SCCPDH: variants seen among roughly 807,000 people sequenced by gnomAD.
The protein encoded by SCCPDH is saccharopine dehydrogenase-like oxidoreductase.
Under a neutral mutation model 51.5 loss-of-function variants are expected in SCCPDH, and 34 were observed. The ratio of observed to expected loss-of-function variants is 0.66; its 90% CI spans 0.50 to 0.88. The LOEUF (loss-of-function observed/expected upper bound fraction) is 0.88, where lower values mean the gene tolerates loss of function less well. Among genes scored for constraint, SCCPDH ranks in the 40% least tolerant of loss-of-function variants. SCCPDH has a pLI of 0.00. For synonymous variants in SCCPDH, 187 were observed against 191.3 expected, an observed-to-expected ratio of 0.98 and a Z score of 0.19; for missense variants, 464 against 527.1, an observed-to-expected ratio of 0.88 and a Z score of 1.17.
At position 246,763,655 on chromosome 1, in the gene SCCPDH, C is replaced by G. The variant is rs148706616; in HGVS notation, c.991-591C>G. Among the ~76,000 whole-genome samples the G allele has an allele frequency of 6.0e-3, 916 of 152,256 alleles. 11 individuals carry two copies. Among genetic ancestry groups the G allele is most frequent in the African/African-American group, 0.021 (852 of 41,536 alleles). ...TTAATCTGTTTATCTCTCTCTCCCC[C>G]CCTTTCCTCCTACTAAACTGTAAGC... On this transcript the variant is annotated intron_variant, in intron 9 of 11. Transcript: ENST00000366510.
chr1:246,755,265 T>G (rs1180577246), intron 5 of SCCPDH, among the ~76,000 whole-genome samples: 1 of 152,210 alleles, frequency 6.6e-6, no homozygotes, highest in African/African-American at 2.4e-5. Flanking sequence ...CAAACAGGTT[T>G]TTTTGTTTGT....
chr1:246,758,768 G>A (rs1668968406), intron 6 of SCCPDH, among the ~76,000 whole-genome samples: 1 of 151,774 alleles, frequency 6.6e-6, no homozygotes. Flanking sequence ...CAGGACATAT[G>A]TGAGAAGTTT....
chr1:246,748,877 C>G (rs1031999427), intron 5 of SCCPDH, among the ~76,000 whole-genome samples: 2 of 152,176 alleles, frequency 1.3e-5, no homozygotes, highest in African/African-American at 4.8e-5. Context: ...CAGCAATAGT[C>G]CCCCGCAATA....
intron 9 of SCCPDH, among the ~76,000 whole-genome samples, 195 bp downstream of exon 9, chr1:246,760,422 G>A (rs1258723633): frequency 6.6e-6 from 1 of 152,094 alleles, no homozygotes; most frequent in Non-Finnish European, 1.5e-5. Flanking sequence ...AGAGAACTGA[G>A]GCACACAGAG....
intron 2 of SCCPDH, among the ~76,000 whole-genome samples, chr1:246,727,487 A>G (rs558680595): frequency 1.4e-4 from 21 of 152,342 alleles, no homozygotes; most frequent in African/African-American, 5.0e-4. Flanking sequence ...TGGTGAACAA[A>G]ACAGAAAATC....
chr1:246,734,983 T>C (rs1668545749), intron 2 of SCCPDH, among the ~76,000 whole-genome samples: 1 of 152,252 alleles, frequency 6.6e-6, no homozygotes, highest in South Asian at 2.1e-4. Flanking sequence ...ACTCTCTTCT[T>C]CCTGTTGGTT....
intron 6 of SCCPDH, among the ~76,000 whole-genome samples, chr1:246,758,822 G>GT (rs940335901): frequency 5.3e-5 from 8 of 150,650 alleles, no homozygotes; most frequent in Admixed American, 6.6e-5. Flanking sequence ...GAGCGTTCTG[G>GT]TTTTTTTTTT....
intron 10 of SCCPDH, 43 bp downstream of exon 10, chr1:246,764,400 C>T (rs780841213): frequency 9.9e-6 from 11 of 1,116,264 alleles, no homozygotes; most frequent in Non-Finnish European, 1.5e-5. Context: ...ATTTTATACT[C>T]TTAAGCTATA....
At chr1:246,728,088 C>T (rs575352987) in intron 2 of SCCPDH, among the ~76,000 whole-genome samples, 52 of 152,192 alleles carry the variant, frequency 3.4e-4, no homozygotes, top group African/African-American at 9.9e-4. Context: ...CAAAGGAGAA[C>T]GGCTTTTGCT....
intron 10 of SCCPDH, among the ~76,000 whole-genome samples, chr1:246,765,431 C>T (rs1044009399): frequency 1.8e-4 from 27 of 152,332 alleles, no homozygotes; most frequent in African/African-American, 6.0e-4. Flanking sequence ...ATGTTTCCAT[C>T]TTGCCCTTTT....
chr1:246,750,972 C>T (rs528496674), intron 5 of SCCPDH, among the ~76,000 whole-genome samples: 2 of 152,326 alleles, frequency 1.3e-5, no homozygotes, highest in East Asian at 1.9e-4. Flanking sequence ...CTGAGGACTG[C>T]GTCACACATG....
chr1:246,762,482 A>G (rs375151038), intron 9 of SCCPDH, among the ~76,000 whole-genome samples: 89 of 152,274 alleles, frequency 5.8e-4, no homozygotes, highest in African/African-American at 2.1e-3. Context: ...TGACCTTGTC[A>G]TTGCCTTCTT....
chr1:246,743,964 G>C (rs993992642), intron 4 of SCCPDH, 112 bp from the exon 5 acceptor site: 2 of 633,456 alleles, frequency 3.2e-6, no homozygotes, highest in African/African-American at 3.7e-5. Context: ...TGTGTCAGCT[G>C]TAGGCTTAGA....
chr1:246,726,451 T>C (rs756061997), intron 1 of SCCPDH, among the ~76,000 whole-genome samples: 2 of 151,992 alleles, frequency 1.3e-5, no homozygotes, highest in African/African-American at 2.4e-5. Flanking sequence ...TTGCCCAAGC[T>C]GGTCTGGAAC....
intron 5 of SCCPDH, among the ~76,000 whole-genome samples, chr1:246,753,273 A>G (rs1057319123): frequency 1.3e-5 from 2 of 151,580 alleles, no homozygotes; most frequent in African/African-American, 4.9e-5. Flanking sequence ...TTTTTTCTTC[A>G]TCTCTTCTTA....
intron 4 of SCCPDH, among the ~76,000 whole-genome samples, chr1:246,742,611 G>A (rs556485850): frequency 6.6e-6 from 1 of 152,334 alleles, no homozygotes; most frequent in South Asian, 2.1e-4. Context: ...TCTGTGGTCA[G>A]ACTAACGACA....
At chr1:246,727,967 T>C (rs3935011) in intron 2 of SCCPDH, among the ~76,000 whole-genome samples, 71,291 of 151,694 alleles carry the variant, frequency 0.47, 16,893 homozygotes, top group Admixed American at 0.52. Context: ...TGGAAGTTCT[T>C]TGGCTTCTGA....
chr1:246,757,555 T>C (rs1668951176), intron 5 of SCCPDH, among the ~76,000 whole-genome samples: 1 of 151,440 alleles, frequency 6.6e-6, no homozygotes, highest in Non-Finnish European at 1.5e-5. Context: ...CTGAGTAAGA[T>C]CAGGCAAATA....
chr1:246,743,863 A>G (rs935467751), intron 4 of SCCPDH, among the ~76,000 whole-genome samples: 2 of 152,226 alleles, frequency 1.3e-5, no homozygotes, highest in Admixed American at 6.5e-5. Flanking sequence ...AGTTTATGCT[A>G]GACTACTCTT....
Sources: allele counts gnomAD v4.1 joint callset (sites outside exome capture counted in the v4.1 genomes callset), GRCh38; gene constraint gnomAD v4.1.1; transcripts MANE v1.5; gene names NCBI Gene and HGNC (gene_info 2026-07-23, HGNC 2026-07-21).